The following STRN3 variants were observed in gnomAD, a reference collection of about 807,000 sequenced individuals.
STRN3 encodes the protein striatin-3.
Under a neutral mutation model 95.6 loss-of-function variants are expected in STRN3, and 29 were observed. The observed-to-expected ratio is 0.30, with a 90% CI of 0.23 to 0.41. The LOEUF (loss-of-function observed/expected upper bound fraction) is 0.41, where lower values mean the gene tolerates loss of function less well. Among genes scored for constraint, STRN3 ranks in the 10% least tolerant of loss-of-function variants. The pLI, the probability that STRN3 is intolerant of heterozygous loss-of-function variation, is 1.00. For synonymous variants in STRN3, 331 were observed against 357.6 expected (o/e 0.93, Z 0.84); for missense variants, 890 against 972.1 (o/e 0.92, Z 1.12).
At chr14:30,967,933 G>C (rs1386566250) in intron 1 of STRN3, among the ~76,000 whole-genome samples, 2 of 152,096 alleles carry the variant, frequency 1.3e-5, no homozygotes, top group African/African-American at 4.8e-5. Context: ...GGTGGTGGGG[G>C]AACAACAGGT....
intron 1 of STRN3, among the ~76,000 whole-genome samples, chr14:30,968,448 G>A (rs1352857832): frequency 2.0e-5 from 3 of 150,560 alleles, no homozygotes; most frequent in South Asian, 2.1e-4. Flanking sequence ...TTGGGAGGCC[G>A]AGGCGGGCGG....
intron 8 of STRN3, among the ~76,000 whole-genome samples, chr14:30,926,552 A>G (rs571367322): frequency 6.6e-6 from 1 of 151,892 alleles, no homozygotes; most frequent in South Asian, 2.1e-4. Context: ...TTCTTATAAT[A>G]CTTCTTATAA....
intron 13 of STRN3, among the ~76,000 whole-genome samples, chr14:30,909,106 T>C (rs929027825): frequency 5.9e-5 from 9 of 152,216 alleles, no homozygotes; most frequent in African/African-American, 2.2e-4. Flanking sequence ...TTAGTGATGA[T>C]GGCTGTAAAA....
chr14:30,927,264 A>G (rs1878229340), intron 8 of STRN3, among the ~76,000 whole-genome samples: 1 of 152,146 alleles, frequency 6.6e-6, no homozygotes, highest in Non-Finnish European at 1.5e-5. Flanking sequence ...ACAGTGAGCT[A>G]TGATTTACAC....
intron 1 of STRN3, among the ~76,000 whole-genome samples, chr14:31,013,964 G>C (rs1223249258): frequency 1.4e-5 from 2 of 143,910 alleles, no homozygotes; most frequent in Non-Finnish European, 3.0e-5. Context: ...GTGCAGTGGT[G>C]AGATCATGGC....
chr14:30,902,582 T>C lies in STRN3; in HGVS notation c.2091A>G (p.Ile697Met), dbSNP rs951423793. The change falls in exon 16 of 18, where the codon ATA (isoleucine) becomes ATG (methionine). Residue 697 changes from isoleucine (I) to methionine (M), a missense_variant. Physicochemically the swap from Ile to Met is conservative, Grantham distance 10 (BLOSUM62 1). Coordinates refer to ENST00000357479, the MANE Select transcript of STRN3 (RefSeq NM_001083893.2). ...TGATGTGTCTATCTTCATGAGCAGT[T>C]ATTGTAACAGGAAGTGTGGGATGAC... ...VVSHPTLPVT[I>M]TAHEDRHIKF... 49 of 1,609,336 alleles carry C rather than the reference T, an allele frequency of 3.0e-5. No individual in the cohort carries two copies. The highest frequency in any genetic ancestry group is 3.9e-5 in the Non-Finnish European group (46 of 1,178,476).
intron 1 of STRN3, among the ~76,000 whole-genome samples, chr14:30,977,203 G>C (rs1263728035): frequency 6.6e-6 from 1 of 152,006 alleles, no homozygotes; most frequent in Non-Finnish European, 1.5e-5. Context: ...TCCAGCCTGG[G>C]CAACAAGAGC....
At chr14:30,973,619 CTA>C (rs995567740) in intron 1 of STRN3, among the ~76,000 whole-genome samples, 1 of 152,132 alleles carries the variant, frequency 6.6e-6, no homozygotes, top group African/African-American at 2.4e-5. Flanking sequence ...CCAACTCATT[CTA>C]TGAGGCCAGC....
chr14:30,901,996 C>T lies in STRN3; in HGVS notation c.2137+540G>A, dbSNP rs185678013. On this transcript the variant is annotated intron_variant, in intron 16 of 17. Transcript: ENST00000357479. The stretch of plus-strand genomic sequence containing the variant: ...CAGCCTGACCAACATGGAGAAACCC[C>T]GTCTCTACTAAAAATACAAAAAAAA... Among the ~76,000 whole-genome samples, 38 of 151,210 alleles carry T rather than the reference C, an allele frequency of 2.5e-4. 1 individual carries two copies. In the East Asian group the frequency reaches 6.6e-3, roughly 26 times the overall value.
intron 1 of STRN3, among the ~76,000 whole-genome samples, chr14:30,965,558 G>A (rs555122974): frequency 1.3e-5 from 2 of 151,780 alleles, no homozygotes; most frequent in Non-Finnish European, 2.9e-5. Flanking sequence ...GATGGCTCAC[G>A]CCTGTAATCC....
chr14:30,935,126 A>G (rs757790594), intron 7 of STRN3, 37 bp downstream of exon 7: 14 of 1,608,186 alleles, frequency 8.7e-6, no homozygotes, highest in African/African-American at 1.3e-5. Flanking sequence ...ATTAAGGGCT[A>G]GATTTCCTCC....
chr14:30,997,091 C>T (rs916823929), intron 1 of STRN3, among the ~76,000 whole-genome samples: 9 of 151,946 alleles, frequency 5.9e-5, no homozygotes, highest in African/African-American at 2.2e-4. Flanking sequence ...AGCAGGATGC[C>T]ACAAAAGGCT....
chr14:30,913,474 A>G, intron 10 of STRN3, 50 bp downstream of exon 10: 1 of 1,496,600 alleles, frequency 6.7e-7, no homozygotes, highest in Non-Finnish European at 8.9e-7. Context: ...CCAAAAAATA[A>G]GGAGCCTTCT....
intron 7 of STRN3, 34 bp from the exon 8 acceptor site, chr14:30,929,345 CAGCAGTTGGCAATGCA>C: frequency 6.4e-7 from 1 of 1,560,928 alleles, no homozygotes; most frequent in Non-Finnish European, 8.8e-7. Flanking sequence ...GAAAAAAAAT[CAGCAGTTGGCAATGCA>C]AGCTGTTGGC....
rs193198222 is a variant in STRN3 at position 30,968,525 on chromosome 14, C to G, written c.283-12283G>C. Among the ~76,000 whole-genome samples, 2 of 151,602 alleles carry G rather than the reference C, an allele frequency of 1.3e-5. 1 individual carries two copies. The highest frequency in any genetic ancestry group is 4.8e-5 in the African/African-American group (2 of 41,380). The stretch of plus-strand genomic sequence containing the variant: ...TGAAACCCCGTCTCCACTGAAAATA[C>G]AAAAATTAGCCGGGCATGGTGGCGG... On this transcript the variant is annotated intron_variant, in intron 1 of 17. Coordinates refer to ENST00000357479, the MANE Select transcript of STRN3 (RefSeq NM_001083893.2).
intron 8 of STRN3, among the ~76,000 whole-genome samples, chr14:30,921,700 C>A (rs1454718015): frequency 3.9e-5 from 6 of 151,928 alleles, no homozygotes; most frequent in Non-Finnish European, 1.5e-5. Context: ...GAAGTCTTAT[C>A]AGCAATAAGA....
chr14:30,966,244 C>G (rs1270667761), intron 1 of STRN3, among the ~76,000 whole-genome samples: 1 of 152,230 alleles, frequency 6.6e-6, no homozygotes, highest in Non-Finnish European at 1.5e-5. Flanking sequence ...AGAACCCCTT[C>G]CCCTCCCTTG....
chr14:30,944,252 G>A (rs1323351803), intron 5 of STRN3, among the ~76,000 whole-genome samples: 2 of 151,924 alleles, frequency 1.3e-5, no homozygotes, highest in Non-Finnish European at 2.9e-5. Flanking sequence ...CTACGTGGGT[G>A]ACCAGTTTGG....
At chr14:30,901,062 A>G (rs117510884) in intron 16 of STRN3, among the ~76,000 whole-genome samples, 1 of 152,200 alleles carries the variant, frequency 6.6e-6, no homozygotes, top group African/African-American at 2.4e-5. Context: ...ACACAAAGGA[A>G]ATTAACCTCT....
Sources: gnomAD v4.1 joint callset for allele counts (sites outside exome capture counted in the v4.1 genomes callset) on GRCh38, gnomAD v4.1.1 for gene constraint, MANE v1.5 for transcripts, NCBI Gene and HGNC (gene_info 2026-07-23, HGNC 2026-07-21) for gene names.